Variants in LUZP2 observed in about 807,000 individuals in gnomAD.
LUZP2 encodes leucine zipper protein 2.
A neutral mutation model predicts 51.6 loss-of-function variants in LUZP2; 52 were observed. The ratio of observed to expected loss-of-function variants is 1.01; its 90% CI spans 0.81 to 1.27. The LOEUF (loss-of-function observed/expected upper bound fraction) is 1.27. LUZP2 is among the 50% of genes most tolerant of loss of function. LUZP2 has a pLI of 0.00. For synonymous variants in LUZP2, 154 were observed against 137.3 expected, an observed-to-expected ratio of 1.12 and a Z score of -0.85; for missense variants, 436 against 395.4, an observed-to-expected ratio of 1.10 and a Z score of -0.87.
At chr11:24,562,553 A>G (rs1912145) in intron 1 of LUZP2, among the ~76,000 whole-genome samples, 63,178 of 151,402 alleles carry the variant, frequency 0.42, 13,709 homozygotes, top group African/African-American at 0.51. Flanking sequence ...TTAAATAGGG[A>G]CAATAAAGAA....
intron 1 of LUZP2, among the ~76,000 whole-genome samples, chr11:24,588,848 T>C (rs1447133442): frequency 6.9e-6 from 1 of 145,944 alleles, no homozygotes; most frequent in Admixed American, 6.7e-5. Flanking sequence ...ATCTCAATAA[T>C]TTTTTTTTAA....
intron 1 of LUZP2, among the ~76,000 whole-genome samples, chr11:24,608,399 A>G (rs371348552): frequency 6.6e-6 from 1 of 152,214 alleles, no homozygotes; most frequent in African/African-American, 2.4e-5. Context: ...GTTTAAAGTA[A>G]TAATTTAACG....
chr11:24,830,119 C>T (rs960820772), intron 5 of LUZP2, among the ~76,000 whole-genome samples: 3 of 140,272 alleles, frequency 2.1e-5, no homozygotes, highest in Admixed American at 1.4e-4. Flanking sequence ...GAAAAAAAAA[C>T]GCTTAAAGCC....
At chr11:24,854,667 GA>G (rs34378292) in intron 5 of LUZP2, among the ~76,000 whole-genome samples, 47,778 of 135,264 alleles carry the variant, frequency 0.35, 8,253 homozygotes, top group African/African-American at 0.45. Context: ...ACTGGGATAT[GA>G]AAAAAAAAAA....
At chr11:24,653,311 A>C (rs191249176) in intron 1 of LUZP2, among the ~76,000 whole-genome samples, 1 of 152,208 alleles carries the variant, frequency 6.6e-6, no homozygotes, top group Non-Finnish European at 1.5e-5. Context: ...AGTGAGACAG[A>C]TAAGTCACAG....
At chr11:24,630,386 CG>C (rs1342920905) in intron 1 of LUZP2, among the ~76,000 whole-genome samples, 1 of 151,982 alleles carries the variant, frequency 6.6e-6, no homozygotes, top group African/African-American at 2.4e-5. Flanking sequence ...AATAAGGGTC[CG>C]GTTTTATTCT....
rs1270194978 is a variant in LUZP2 at position 24,559,666 on chromosome 11, A to G, written c.62+62361A>G. ...AATAAGTGACAGAAACTATGCAATT[A>G]TCTTGTGACTTTTCTGAAAAATGAA... On this transcript the variant is annotated intron_variant, in intron 1 of 11. Transcript: ENST00000336930. 2.0e-5 allele frequency among the ~76,000 whole-genome samples: 3 copies of G among 152,354 alleles called. No homozygotes were observed. The East Asian group carries it at 5.8e-4, about 29-fold the overall frequency.
intron 1 of LUZP2, among the ~76,000 whole-genome samples, chr11:24,530,918 T>G (rs570706906): frequency 6.7e-6 from 1 of 150,096 alleles, no homozygotes; most frequent in Non-Finnish European, 1.5e-5. Flanking sequence ...TTTTCTTAGT[T>G]GAATTAATCC....
intron 5 of LUZP2, among the ~76,000 whole-genome samples, chr11:24,851,360 T>A (rs1330834685): frequency 6.6e-6 from 1 of 152,194 alleles, no homozygotes; most frequent in Non-Finnish European, 1.5e-5. Flanking sequence ...ATTGAGATAA[T>A]CATGTGGTTT....
chr11:24,813,868 T>G (rs1850093665), intron 5 of LUZP2, among the ~76,000 whole-genome samples: 1 of 152,228 alleles, frequency 6.6e-6, no homozygotes, highest in Admixed American at 6.5e-5. Flanking sequence ...CAAACTTATG[T>G]TCAAATCCTA....
rs568948392 is a variant in LUZP2, at chr11:24,829,690, G to T, written c.396+66382G>T. 1.3e-3 allele frequency among the ~76,000 whole-genome samples: 198 copies of T among 152,244 alleles called. 1 individual carries two copies. The highest frequency in any genetic ancestry group is 4.6e-3 in the African/African-American group (193 of 41,548). ...TGTTGATAAATTGCAGAAATAAAAT[G>T]GAAGGAAAATGTTAGATTGTTGTCT... On this transcript the variant is annotated intron_variant, in intron 5 of 11. Transcript: ENST00000336930.
At chr11:24,535,218 A>G (rs1403893043) in intron 1 of LUZP2, among the ~76,000 whole-genome samples, 3 of 151,350 alleles carry the variant, frequency 2.0e-5, no homozygotes, top group African/African-American at 4.8e-5. Flanking sequence ...TTTTACCTCA[A>G]TGTTGATGGC....
At chr11:24,776,844 A>C (rs1565132923) in intron 5 of LUZP2, among the ~76,000 whole-genome samples, 1 of 152,116 alleles carries the variant, frequency 6.6e-6, no homozygotes, top group East Asian at 1.9e-4. Flanking sequence ...CTTTGTTTCC[A>C]ATCCTCAGAG....
chr11:24,630,009 A>ATT (rs34855328), intron 1 of LUZP2, among the ~76,000 whole-genome samples: 2 of 145,870 alleles, frequency 1.4e-5, no homozygotes, highest in African/African-American at 5.0e-5. Flanking sequence ...AAAAATGTCT[A>ATT]TTTTTTTTTT....
chr11:24,927,095 C>CTT (rs893396683), intron 7 of LUZP2, among the ~76,000 whole-genome samples: 1 of 144,042 alleles, frequency 6.9e-6, no homozygotes, highest in Non-Finnish European at 1.5e-5. Flanking sequence ...TTGATGGGAT[C>CTT]TTTTTTTTTT....
chr11:24,570,974 C>T (rs981955066), intron 1 of LUZP2, among the ~76,000 whole-genome samples: 4 of 151,838 alleles, frequency 2.6e-5, no homozygotes, highest in South Asian at 2.1e-4. Context: ...AAAAAGTTAA[C>T]GTGAAAGTAA....
At chr11:24,599,924 T>C (rs1480099432) in intron 1 of LUZP2, among the ~76,000 whole-genome samples, 2 of 152,110 alleles carry the variant, frequency 1.3e-5, no homozygotes, top group Non-Finnish European at 2.9e-5. Flanking sequence ...TGGGTTACAT[T>C]TTGTTGATGG....
chr11:24,535,012 G>A (rs541550042), intron 1 of LUZP2, among the ~76,000 whole-genome samples: 4 of 151,120 alleles, frequency 2.6e-5, no homozygotes, highest in Admixed American at 1.3e-4. Flanking sequence ...ATAAAGTAAA[G>A]CACATGAACG....
At chr11:24,565,571 C>T (rs75817223) in intron 1 of LUZP2, among the ~76,000 whole-genome samples, 2,171 of 152,228 alleles carry the variant, frequency 0.014, 42 homozygotes, top group South Asian at 0.059. Context: ...AAAGCATTAT[C>T]ACATATGTAA....
Sources: allele counts gnomAD v4.1 joint callset (sites outside exome capture counted in the v4.1 genomes callset), GRCh38; gene constraint gnomAD v4.1.1; transcripts MANE v1.5; gene names NCBI Gene and HGNC (gene_info 2026-07-23, HGNC 2026-07-21).